Variants in XKR4 observed in about 807,000 individuals in gnomAD.
The protein encoded by XKR4 is XK-related protein 4.
XKR4 carries 12 observed loss-of-function variants against 53.9 expected under a neutral mutation model. The ratio of observed to expected loss-of-function variants is 0.22; its 90% CI spans 0.14 to 0.36. XKR4 has a LOEUF of 0.36. XKR4 is among the 10% of genes least tolerant of loss of function. The pLI is 1.00. For missense variants in XKR4, 799 were observed against 859.5 expected (o/e 0.93, Z 0.88); for synonymous variants, 354 against 362.4 (o/e 0.98, Z 0.26).
chr8:55,345,494 G>A (rs1457744489), intron 1 of XKR4, among the ~76,000 whole-genome samples: 1 of 152,166 alleles, frequency 6.6e-6, no homozygotes, highest in African/African-American at 2.4e-5. Flanking sequence ...GAAGGAGATG[G>A]AGGCAATCAA....
At chr8:55,367,666 T>C (rs1301687085) in intron 2 of XKR4, among the ~76,000 whole-genome samples, 2 of 152,226 alleles carry the variant, frequency 1.3e-5, no homozygotes, top group African/African-American at 2.4e-5. Flanking sequence ...ATTTTACCCA[T>C]GGGTTAGTAT....
intron 2 of XKR4, among the ~76,000 whole-genome samples, chr8:55,381,566 A>G (rs1804233809): frequency 6.6e-6 from 1 of 152,202 alleles, no homozygotes. Flanking sequence ...AGGGTGTCCC[A>G]GCCTCAGAAA....
intron 2 of XKR4, among the ~76,000 whole-genome samples, chr8:55,432,679 A>T (rs1248407836): frequency 6.6e-6 from 1 of 152,242 alleles, no homozygotes; most frequent in Non-Finnish European, 1.5e-5. Context: ...CAGAGGAATT[A>T]TGTTAGTCAT....
intron 2 of XKR4, among the ~76,000 whole-genome samples, chr8:55,510,304 G>T (rs1179647706): frequency 6.6e-6 from 1 of 152,150 alleles, no homozygotes; most frequent in Non-Finnish European, 1.5e-5. Context: ...GAGGAAGGGG[G>T]TCTCCAGGCA....
intron 1 of XKR4, among the ~76,000 whole-genome samples, chr8:55,310,237 A>G (rs2129378135): frequency 6.6e-6 from 1 of 152,332 alleles, no homozygotes; most frequent in African/African-American, 2.4e-5. Flanking sequence ...CAACTGCGTC[A>G]ATATTTTTAA....
chr8:55,358,833 T>C (rs995438984), intron 2 of XKR4, among the ~76,000 whole-genome samples: 7 of 152,208 alleles, frequency 4.6e-5, no homozygotes, highest in Non-Finnish European at 8.8e-5. Context: ...ATGCTCCAAT[T>C]TGAGTTTTGT....
intron 1 of XKR4, among the ~76,000 whole-genome samples, chr8:55,225,056 A>G (rs999420158): frequency 6.6e-6 from 1 of 152,252 alleles, no homozygotes; most frequent in Admixed American, 6.5e-5. Flanking sequence ...CTTAGAATAA[A>G]ACATAATATA....
Position 55,533,574 on chromosome 8 carries a change from G to A in XKR4, c.*9347G>A, listed in dbSNP as rs1806986040. The A allele has an allele frequency of 6.6e-6, 1 of 152,206 alleles. No homozygotes were observed. The highest frequency in any genetic ancestry group is 6.5e-5 in the Admixed American group (1 of 15,286). 9.4% of individuals were successfully genotyped at this position (152,206 alleles called of 1,614,324 possible). ...GTAAGAGGAGGGAAGGCAGCAGTGA[G>A]CTGTCACTCAGAAATACAGTCACCA... On this transcript the variant is annotated 3_prime_UTR_variant, in exon 3 of 3. Transcript: ENST00000327381.
chr8:55,506,256 G>A (rs1041002749), intron 2 of XKR4, among the ~76,000 whole-genome samples: 1 of 152,246 alleles, frequency 6.6e-6, no homozygotes, highest in African/African-American at 2.4e-5. Context: ...GATGTAAGGA[G>A]AGGACTCCTG....
chr8:55,456,224 G>C (rs1805567283), intron 2 of XKR4, among the ~76,000 whole-genome samples: 1 of 152,150 alleles, frequency 6.6e-6, no homozygotes, highest in Non-Finnish European at 1.5e-5. Flanking sequence ...CTGAGGTAGG[G>C]ATTTCGAGAC....
intron 2 of XKR4, chr8:55,449,600 G>A: frequency 1.7e-6 from 2 of 1,206,158 alleles, no homozygotes; most frequent in East Asian, 2.3e-5. Context: ...GCGAGGAGTT[G>A]TCTTCACGTC....
intron 1 of XKR4, among the ~76,000 whole-genome samples, chr8:55,301,878 G>A (rs981691944): frequency 6.6e-5 from 10 of 152,232 alleles, no homozygotes; most frequent in Middle Eastern, 3.4e-3. Flanking sequence ...TGAGTTCATC[G>A]TAGATTCTGG....
intron 2 of XKR4, among the ~76,000 whole-genome samples, chr8:55,466,415 C>T (rs1304891485): frequency 1.3e-5 from 2 of 151,836 alleles, no homozygotes; most frequent in Admixed American, 6.6e-5. Context: ...TGTTCTCACT[C>T]ATAGGTGGGA....
Position 55,124,198 on chromosome 8 carries a change from A to G in XKR4, c.806+20904A>G, listed in dbSNP as rs567313434. On this transcript the variant is annotated intron_variant, in intron 1 of 2. Coordinates refer to ENST00000327381, the MANE Select transcript of XKR4 (RefSeq NM_052898.2). ...TGGCTCAGACTTTCCCAAGCTGGCGACGCTGCTCACTCTCCATGTGGTTCC... is the reference window on the plus strand; with the variant it reads ...TGGCTCAGACTTTCCCAAGCTGGCGGCGCTGCTCACTCTCCATGTGGTTCC... Among the ~76,000 whole-genome samples, 8 of 152,292 alleles carry G rather than the reference A, an allele frequency of 5.3e-5. No individual in the cohort carries two copies. The South Asian group carries it at 8.3e-4, about 16-fold the overall frequency.
At position 55,445,936 on chromosome 8, in the gene XKR4, A is replaced by C. The variant is rs1367595324; in HGVS notation, c.1007-77345A>C. 1.6e-4 allele frequency among the ~76,000 whole-genome samples: 25 copies of C among 152,202 alleles called. 2 individuals are homozygous for C. Among genetic ancestry groups the C allele is most frequent in the Admixed American group, 1.6e-3 (25 of 15,276 alleles). The stretch of plus-strand genomic sequence containing the variant: ...CTGCATAAGCCAAATCTCCTAACAG[A>C]AAAGGCCTCCGACTGCATACTTCTG... On this transcript the variant is annotated intron_variant, in intron 2 of 2. Coordinates refer to ENST00000327381, the MANE Select transcript of XKR4 (RefSeq NM_052898.2).
intron 2 of XKR4, among the ~76,000 whole-genome samples, chr8:55,418,658 T>C (rs894766416): frequency 6.6e-6 from 1 of 152,080 alleles, no homozygotes; most frequent in African/African-American, 2.4e-5. Context: ...TTCATCTCAC[T>C]CCTCTATTCA....
intron 1 of XKR4, among the ~76,000 whole-genome samples, chr8:55,157,700 A>G (rs959127686): frequency 5.9e-5 from 9 of 152,032 alleles, no homozygotes; most frequent in African/African-American, 2.2e-4. Flanking sequence ...GTAGGCCCCA[A>G]TGTCTGTTGT....
At position 55,534,550 on chromosome 8, in the gene XKR4, AT is replaced by A. The variant is rs375876957; in HGVS notation, c.*10329del. On this transcript the variant is annotated 3_prime_UTR_variant, in exon 3 of 3. Coordinates refer to ENST00000327381, the MANE Select transcript of XKR4 (RefSeq NM_052898.2). ...CACCACGCCCGGCTAATTTTTTTGT[AT>A]TTTTTAGTAGAGATGGGGTTTCACC... 383 of 149,964 alleles carry A rather than the reference AT, an allele frequency of 2.6e-3. 4 individuals carry two copies. Among genetic ancestry groups the A allele is most frequent in the South Asian group, 8.7e-3 (41 of 4,728 alleles). The allele number at this position is 149,964 out of a possible 1,614,324, so 9.3% of individuals were successfully genotyped here.
At chr8:55,358,815 G>A (rs955203073) in intron 2 of XKR4, among the ~76,000 whole-genome samples, 1 of 152,224 alleles carries the variant, frequency 6.6e-6, no homozygotes, top group Non-Finnish European at 1.5e-5. Flanking sequence ...GCTCCCTTGT[G>A]CTGGGTCATG....
Sources: gnomAD v4.1 joint callset for allele counts (sites outside exome capture counted in the v4.1 genomes callset) on GRCh38, gnomAD v4.1.1 for gene constraint, MANE v1.5 for transcripts, NCBI Gene and HGNC (gene_info 2026-07-23, HGNC 2026-07-21) for gene names.